The following LDLRAD4 variants were observed in gnomAD, a reference collection of about 807,000 sequenced individuals.
The protein encoded by LDLRAD4 is low density lipoprotein receptor class A domain containing 4.
A neutral mutation model predicts 17.0 loss-of-function variants in LDLRAD4; 5 were observed. The observed-to-expected ratio is 0.29, with a 90% confidence interval of 0.15 to 0.62. The LOEUF (loss-of-function observed/expected upper bound fraction) is 0.62, where lower values mean the gene tolerates loss of function less well. Among genes scored for constraint, LDLRAD4 ranks in the 20% least tolerant of loss-of-function variants. LDLRAD4 has a pLI of 0.84. For synonymous variants in LDLRAD4, 168 were observed against 171.8 expected, an observed-to-expected ratio of 0.98 and a Z score of 0.17; for missense variants, 340 against 424.7, an observed-to-expected ratio of 0.80 and a Z score of 1.75.
At chr18:13,310,625 C>T (rs1433766684) in intron 1 of LDLRAD4, among the ~76,000 whole-genome samples, 3 of 152,148 alleles carry the variant, frequency 2.0e-5, no homozygotes, top group African/African-American at 7.2e-5. Context: ...CCTTCACCTC[C>T]TCTTCCTCCC....
intron 3 of LDLRAD4, among the ~76,000 whole-genome samples, chr18:13,584,071 C>T (rs983013206): frequency 6.6e-6 from 1 of 152,204 alleles, no homozygotes; most frequent in Admixed American, 6.5e-5. Flanking sequence ...CCACCCGAAG[C>T]CACGTTGCCT....
At chr18:13,430,786 T>C (rs191582180) in intron 2 of LDLRAD4, among the ~76,000 whole-genome samples, 3 of 152,336 alleles carry the variant, frequency 2.0e-5, no homozygotes, top group Non-Finnish European at 4.4e-5. Context: ...AGCCACAGGT[T>C]GTCCAGAGGC....
chr18:13,258,477 T>C lies in LDLRAD4; in HGVS notation c.-466-19628T>C, dbSNP rs2043626076. On this transcript the variant is annotated intron_variant, in intron 1 of 5. Coordinates refer to the LDLRAD4 transcript ENST00000399848. The stretch of plus-strand genomic sequence containing the variant: ...CCTCTATTTGAATATTTTATGGTCA[T>C]GGAATTGGCTATTTATTTTATTTTT... Among the ~76,000 whole-genome samples the C allele has an allele frequency of 2.0e-5, 3 of 152,242 alleles. No homozygotes were observed. In the South Asian group the frequency reaches 6.2e-4, roughly 32 times the overall value.
intron 3 of LDLRAD4, among the ~76,000 whole-genome samples, chr18:13,438,616 G>C (rs994139167): frequency 2.0e-5 from 3 of 152,238 alleles, no homozygotes; most frequent in Admixed American, 2.0e-4. Flanking sequence ...ATAGGCTTTT[G>C]CTGTTTGTCT....
chr18:13,230,462 T>G (rs978787987), intron 1 of LDLRAD4, among the ~76,000 whole-genome samples: 1 of 152,206 alleles, frequency 6.6e-6, no homozygotes, highest in African/African-American at 2.4e-5. Context: ...TTTTCAAACT[T>G]TGTATATTAT....
At chr18:13,287,825 G>C (rs893303784) in intron 1 of LDLRAD4, among the ~76,000 whole-genome samples, 5 of 152,158 alleles carry the variant, frequency 3.3e-5, no homozygotes, top group African/African-American at 1.2e-4. Flanking sequence ...ATAATTAGTG[G>C]AAGAATGACT....
At chr18:13,625,106 G>A (rs1051133254) in intron 4 of LDLRAD4, among the ~76,000 whole-genome samples, 49 of 152,304 alleles carry the variant, frequency 3.2e-4, no homozygotes, top group African/African-American at 1.0e-3. Flanking sequence ...TCTGTGGAGC[G>A]CAGCCTCATT....
intron 3 of LDLRAD4, among the ~76,000 whole-genome samples, chr18:13,547,876 C>T (rs2094387172): frequency 6.6e-6 from 1 of 152,198 alleles, no homozygotes; most frequent in East Asian, 1.9e-4. Context: ...ACATGGCAAG[C>T]AGGAGGGTGT....
chr18:13,317,299 C>CT (rs1198797635), intron 1 of LDLRAD4, among the ~76,000 whole-genome samples: 2 of 152,210 alleles, frequency 1.3e-5, no homozygotes, highest in Non-Finnish European at 2.9e-5. Context: ...TAGCTTCAAC[C>CT]TGTAGAGACT....
intron 1 of LDLRAD4, among the ~76,000 whole-genome samples, chr18:13,302,204 C>G (rs891963082): frequency 2.0e-5 from 3 of 152,164 alleles, no homozygotes; most frequent in Non-Finnish European, 4.4e-5. Flanking sequence ...TGTTTGTTTC[C>G]TTGTTTCCAA....
intron 3 of LDLRAD4, among the ~76,000 whole-genome samples, chr18:13,451,737 G>A (rs1237218546): frequency 6.6e-6 from 1 of 152,146 alleles, no homozygotes; most frequent in Non-Finnish European, 1.5e-5. Context: ...CGTGCCTTCT[G>A]GCTATGTGCT....
chr18:13,567,684 A>G (rs1404505901), intron 3 of LDLRAD4, among the ~76,000 whole-genome samples: 1 of 152,162 alleles, frequency 6.6e-6, no homozygotes, highest in Non-Finnish European at 1.5e-5. Context: ...CTGACAGGTC[A>G]TAATTGTGAC....
At chr18:13,640,193 T>TGAGGCGGGAGAATGGCGTG (rs1421907483) in intron 4 of LDLRAD4, among the ~76,000 whole-genome samples, 1 of 146,400 alleles carries the variant, frequency 6.8e-6, no homozygotes, top group Non-Finnish European at 1.5e-5. Flanking sequence ...CTCGGTAGGC[T>TGAGGCGGGAGAATGGCGTG]GAGGCGGGAG....
At chr18:13,221,001 A>G (rs1221755525) in intron 1 of LDLRAD4, among the ~76,000 whole-genome samples, 1 of 152,174 alleles carries the variant, frequency 6.6e-6, no homozygotes, top group African/African-American at 2.4e-5. Context: ...GGAATTCTTG[A>G]AATTGTAGAC....
chr18:13,547,225 T>C (rs1320836619), intron 3 of LDLRAD4, among the ~76,000 whole-genome samples: 2 of 152,240 alleles, frequency 1.3e-5, no homozygotes, highest in African/African-American at 4.8e-5. Context: ...TAGCATCCAT[T>C]AGGGTCCAGT....
chr18:13,229,160 A>G (rs2041947975), intron 1 of LDLRAD4, among the ~76,000 whole-genome samples: 2 of 152,226 alleles, frequency 1.3e-5, no homozygotes, highest in South Asian at 4.1e-4. Context: ...GTCAGCTGCC[A>G]CGGGGTGACT....
Position 13,645,604 on chromosome 18 carries a change from A to G in LDLRAD4, c.868A>G (p.Ser290Gly), listed in dbSNP as rs1436367365. 1.3e-6 allele frequency: 2 copies of G among 1,570,282 alleles called. No homozygotes were observed. The highest frequency in any genetic ancestry group is 1.7e-4 in the Middle Eastern group (1 of 5,840). ...GCAGTTTCAGCAGAACAATGCAGAG[A>G]GCACAATAGTACCCATCAAAGGCAA... is the stretch of plus-strand genomic sequence containing the variant. Residue 290 changes from serine to glycine, a missense_variant, in exon 6 of 6, where the codon AGC becomes GGC. Physicochemically the swap from Ser to Gly is moderately conservative, Grantham distance 56. Transcript: ENST00000359446. This position sits in a 1 kb window ranked among gnomAD's most constrained non-coding sequence, Gnocchi z 5.7.
chr18:13,445,758 C>CATGTGTGGGTGTGTGTGTGT (rs2091359043), intron 3 of LDLRAD4, among the ~76,000 whole-genome samples: 1 of 142,150 alleles, frequency 7.0e-6, no homozygotes, highest in South Asian at 2.3e-4. Flanking sequence ...TGGGTGTGTG[C>CATGTGTGGGTGTGTGTGTGT]ATGTGTGGGT....
intron 2 of LDLRAD4, among the ~76,000 whole-genome samples, chr18:13,430,690 TTCAA>T (rs1386515578): frequency 6.6e-6 from 1 of 152,254 alleles, no homozygotes; most frequent in East Asian, 1.9e-4. Flanking sequence ...TATGCTGTAT[TTCAA>T]TCAAATATTT....
Sources: allele counts gnomAD v4.1 joint callset (sites outside exome capture counted in the v4.1 genomes callset), GRCh38; gene constraint gnomAD v4.1.1; non-coding constraint Gnocchi (gnomAD v3.1); transcripts MANE v1.5; gene names NCBI Gene and HGNC (gene_info 2026-07-23, HGNC 2026-07-21).